SORCS2: variants seen among roughly 807,000 people sequenced by gnomAD.
SORCS2 encodes the protein VPS10 domain-containing receptor SorCS2.
A neutral mutation model predicts 141.6 loss-of-function variants in SORCS2; 100 were observed. The observed-to-expected ratio is 0.71, with a 90% CI of 0.60 to 0.83. SORCS2 has a LOEUF of 0.83. Ranked by LOEUF, SORCS2 falls within the 40% of genes least tolerant of loss-of-function variation. SORCS2 has a pLI of 0.00. For synonymous variants in SORCS2, 789 were observed against 676.9 expected, an observed-to-expected ratio of 1.17 and a Z score of -2.57; for missense variants, 1,646 against 1,560.2, an observed-to-expected ratio of 1.05 and a Z score of -0.93.
At chr4:7,351,213 G>C (rs1232300730) in intron 1 of SORCS2, among the ~76,000 whole-genome samples, 1 of 152,154 alleles carries the variant, frequency 6.6e-6, no homozygotes, top group Non-Finnish European at 1.5e-5. Context: ...TGTGAGCGCA[G>C]GGACTTCACA....
intron 2 of SORCS2, among the ~76,000 whole-genome samples, chr4:7,428,532 A>G (rs1560276246): frequency 6.6e-6 from 1 of 152,132 alleles, no homozygotes; most frequent in Non-Finnish European, 1.5e-5. Flanking sequence ...AGAGACTAAG[A>G]CAAGTGTGGA....
chr4:7,284,259 A>T (rs993217506), intron 1 of SORCS2, among the ~76,000 whole-genome samples: 2 of 152,150 alleles, frequency 1.3e-5, no homozygotes, highest in African/African-American at 4.8e-5. Context: ...TTCTTTCTCC[A>T]GAGTCTGGGA....
chr4:7,675,224 G>A (rs17466028), intron 8 of SORCS2, among the ~76,000 whole-genome samples: 2 of 152,068 alleles, frequency 1.3e-5, no homozygotes, highest in Non-Finnish European at 2.9e-5. Flanking sequence ...AACCCGAAGC[G>A]CTGAGCCCAC....
At chr4:7,380,818 G>T (rs1208283182) in intron 1 of SORCS2, among the ~76,000 whole-genome samples, 1 of 152,242 alleles carries the variant, frequency 6.6e-6, no homozygotes, top group Non-Finnish European at 1.5e-5. Flanking sequence ...AGGTGCGGTG[G>T]CTCACGCCTG....
At chr4:7,300,101 G>A (rs1371195939) in intron 1 of SORCS2, among the ~76,000 whole-genome samples, 1 of 152,192 alleles carries the variant, frequency 6.6e-6, no homozygotes, top group Non-Finnish European at 1.5e-5. Context: ...AGGACCGGGA[G>A]GTGGAACAGG....
At chr4:7,588,774 T>G (rs1421597351) in intron 3 of SORCS2, among the ~76,000 whole-genome samples, 2 of 152,202 alleles carry the variant, frequency 1.3e-5, no homozygotes, top group African/African-American at 4.8e-5. Flanking sequence ...ATTCATTCAT[T>G]CATGCATTCA....
intron 2 of SORCS2, among the ~76,000 whole-genome samples, chr4:7,497,325 G>A (rs563753624): frequency 6.6e-6 from 1 of 152,244 alleles, no homozygotes; most frequent in Non-Finnish European, 1.5e-5. Flanking sequence ...TGGCAGGGTT[G>A]GTGCTGTTGC....
chr4:7,668,627 C>G (rs1400688451), intron 8 of SORCS2, among the ~76,000 whole-genome samples: 1 of 152,118 alleles, frequency 6.6e-6, no homozygotes, highest in East Asian at 1.9e-4. Flanking sequence ...AAAACCTTCG[C>G]TTTAAAAACA....
chr4:7,250,887 C>T lies in SORCS2; in HGVS notation c.480+57761C>T, dbSNP rs76599507. Among the ~76,000 whole-genome samples, 14 of 152,356 alleles carry T rather than the reference C, an allele frequency of 9.2e-5. No homozygotes were observed. The East Asian group carries it at 1.9e-3, about 21-fold the overall frequency. ...GGGCCTTTTAATATGGACTCGTTGC[C>T]GGAACCGCCACGACACCAGGGCAGG... On this transcript the variant is annotated intron_variant, in intron 1 of 26. Coordinates refer to ENST00000507866, the MANE Select transcript of SORCS2 (RefSeq NM_020777.3).
rs1316649842 is a variant in SORCS2 at position 7,387,979 on chromosome 4, TACACATGC to T, written c.481-8295_481-8288del. ...GCACACACACACAGATACACAGAGATACACATGCACACATGCACACACATGCACATGCA... is the reference window on the plus strand; with the variant it reads ...GCACACACACACAGATACACAGAGATACACATGCACACACATGCACATGCA... On this transcript the variant is annotated intron_variant, in intron 1 of 26. Coordinates refer to ENST00000507866, the MANE Select transcript of SORCS2 (RefSeq NM_020777.3). Among the ~76,000 whole-genome samples the T allele has an allele frequency of 2.1e-3, 282 of 134,318 alleles. 1 individual carries two copies. The highest frequency in any genetic ancestry group is 7.7e-3 in the African/African-American group (266 of 34,428). The allele number at this position is 134,318 out of a possible 152,430, so 88.1% of individuals were successfully genotyped here. A position where few individuals can be genotyped will look rare whatever the true frequency, so the allele number is the denominator to read the frequency against.
At chr4:7,577,033 G>C (rs1715798066) in intron 3 of SORCS2, among the ~76,000 whole-genome samples, 1 of 152,172 alleles carries the variant, frequency 6.6e-6, no homozygotes, top group African/African-American at 2.4e-5. Flanking sequence ...CCACCCCTCT[G>C]CCATGTTTAT....
At chr4:7,728,289 T>C in intron 21 of SORCS2, 61 bp from the exon 22 acceptor site, 1 of 1,311,760 alleles carries the variant, frequency 7.6e-7, no homozygotes, top group Non-Finnish European at 1.1e-6. Context: ...ACCCCCACCC[T>C]GGAGCCGTCA....
At chr4:7,385,120 C>T (rs1000681371) in intron 1 of SORCS2, among the ~76,000 whole-genome samples, 3 of 152,184 alleles carry the variant, frequency 2.0e-5, no homozygotes, top group Non-Finnish European at 4.4e-5. Flanking sequence ...TAGGACTGAG[C>T]CAAAGCCCTA....
At chr4:7,613,191 C>G (rs545817822) in intron 3 of SORCS2, among the ~76,000 whole-genome samples, 1 of 152,362 alleles carries the variant, frequency 6.6e-6, no homozygotes, top group South Asian at 2.1e-4. Context: ...GGCATCCCAG[C>G]CTAGGTCTGC....
rs749631561 is a variant in SORCS2, at chr4:7,729,684, C to T, written c.3080C>T (p.Thr1027Ile). 6.2e-7 allele frequency: 1 copy of T among 1,610,356 alleles called. No individual in the cohort carries two copies. Among genetic ancestry groups the T allele is most frequent in the East Asian group, 2.2e-5 (1 of 44,744 alleles). Reference sequence around the variant, plus strand: ...GTGCTCCTGCCCCCTCCCAGGCCCACAAGGAAGAGGAGCCTCTCGAGTGAT... The same window carrying T: ...GTGCTCCTGCCCCCTCCCAGGCCCATAAGGAAGAGGAGCCTCTCGAGTGAT... ...LYVLLPPPRP[T>I]RKRSLSSDKR... is the part of the protein sequence containing the mutation. The change falls in exon 23 of 27, where the codon ACA becomes ATA. Residue 1027 changes from threonine to isoleucine, a missense_variant. Physicochemically the swap from Thr to Ile is moderately conservative, Grantham distance 89. Coordinates refer to ENST00000507866, the MANE Select transcript of SORCS2 (RefSeq NM_020777.3).
chr4:7,547,878 C>T (rs775708652), intron 3 of SORCS2, among the ~76,000 whole-genome samples: 18 of 152,322 alleles, frequency 1.2e-4, no homozygotes, highest in African/African-American at 3.4e-4. Context: ...AACAAACAAA[C>T]GCATGCACAA....
intron 3 of SORCS2, among the ~76,000 whole-genome samples, chr4:7,576,852 G>T (rs975808500): frequency 6.6e-6 from 1 of 152,174 alleles, no homozygotes; most frequent in African/African-American, 2.4e-5. Flanking sequence ...ATGAACTCAT[G>T]CGTGCCCCAC....
At chr4:7,574,033 G>T (rs981640784) in intron 3 of SORCS2, among the ~76,000 whole-genome samples, 1 of 152,210 alleles carries the variant, frequency 6.6e-6, no homozygotes, top group African/African-American at 2.4e-5. Context: ...GTCTAGAACC[G>T]TCCCCTCCTC....
chr4:7,542,979 A>C (rs1712800444), intron 3 of SORCS2, among the ~76,000 whole-genome samples: 1 of 152,234 alleles, frequency 6.6e-6, no homozygotes, highest in African/African-American at 2.4e-5. Context: ...GGCCATTTGC[A>C]GGAGGGAGAA....
Sources: allele counts gnomAD v4.1 joint callset (sites outside exome capture counted in the v4.1 genomes callset), GRCh38; gene constraint gnomAD v4.1.1; transcripts MANE v1.5; gene names NCBI Gene and HGNC (gene_info 2026-07-23, HGNC 2026-07-21).